PDE11A: variants seen among roughly 807,000 people sequenced by gnomAD.
The protein encoded by PDE11A is dual 3',5'-cyclic-AMP and -GMP phosphodiesterase 11A.
A neutral mutation model predicts 100.5 loss-of-function variants in PDE11A; 100 were observed. The ratio of observed to expected loss-of-function variants is 1.00; its 90% CI spans 0.85 to 1.18. PDE11A has a LOEUF of 1.18. Among genes scored for constraint, PDE11A ranks in the 50% most tolerant of loss-of-function variants. The pLI, the probability that PDE11A is intolerant of heterozygous loss-of-function variation, is 0.00. For missense variants in PDE11A, 1,141 were observed against 1,152.6 expected, an observed-to-expected ratio of 0.99 and a Z score of 0.15; for synonymous variants, 381 against 420.8, an observed-to-expected ratio of 0.91 and a Z score of 1.16.
intron 10 of PDE11A, among the ~76,000 whole-genome samples, chr2:177,736,516 A>T: frequency 6.7e-6 from 1 of 149,390 alleles, no homozygotes; most frequent in Admixed American, 6.7e-5. Context: ...CATCTAAAAG[A>T]AAAAAAAAAG....
At chr2:178,099,262 CT>C (rs1488392994) in intron 2 of PDE11A, among the ~76,000 whole-genome samples, 1 of 151,756 alleles carries the variant, frequency 6.6e-6, no homozygotes, top group Admixed American at 6.6e-5. Flanking sequence ...CCCGTCTCTA[CT>C]AAAAATACAA....
chr2:177,693,407 C>T (rs1475480043), intron 15 of PDE11A, among the ~76,000 whole-genome samples: 1 of 152,120 alleles, frequency 6.6e-6, no homozygotes, highest in African/African-American at 2.4e-5. Flanking sequence ...CTCAGATGGT[C>T]CCTGCAGGAT....
At chr2:177,916,798 C>T (rs1003685247) in intron 2 of PDE11A, among the ~76,000 whole-genome samples, 4 of 151,658 alleles carry the variant, frequency 2.6e-5, no homozygotes, top group South Asian at 2.1e-4. Flanking sequence ...CTTGCTCTGT[C>T]GCCAGGGCTG....
intron 2 of PDE11A, among the ~76,000 whole-genome samples, chr2:177,949,760 G>A (rs1238158173): frequency 6.6e-6 from 1 of 152,184 alleles, no homozygotes; most frequent in Non-Finnish European, 1.5e-5. Flanking sequence ...TCAAAGGAAG[G>A]AGCTGTTGGG....
chr2:177,995,544 G>C (rs1406087129), intron 2 of PDE11A, among the ~76,000 whole-genome samples: 1 of 152,030 alleles, frequency 6.6e-6, no homozygotes, highest in East Asian at 1.9e-4. Flanking sequence ...ACTTGAGGAG[G>C]GAAGATTAAC....
intron 4 of PDE11A, among the ~76,000 whole-genome samples, chr2:177,887,456 A>T (rs2084454764): frequency 1.4e-4 from 1 of 7,304 alleles, no homozygotes; most frequent in South Asian, 0.05. Flanking sequence ...AGCCGTTAAA[A>T]AAGAAAAAAA....
At chr2:177,914,005 A>G (rs77876731) in intron 2 of PDE11A, among the ~76,000 whole-genome samples, 10,281 of 152,210 alleles carry the variant, frequency 0.068, 389 homozygotes, top group East Asian at 0.14. Context: ...TAATCAGAGG[A>G]TTCATTTACC....
At chr2:177,803,436 T>C (rs1274432269) in intron 9 of PDE11A, among the ~76,000 whole-genome samples, 1 of 151,946 alleles carries the variant, frequency 6.6e-6, no homozygotes, top group Non-Finnish European at 1.5e-5. Flanking sequence ...GAGGGAATTC[T>C]TCCTAACACT....
rs77814174 is a variant in PDE11A at position 177,846,930 on chromosome 2, T to A, written c.1368-6547A>T. 6.1e-4 allele frequency among the ~76,000 whole-genome samples: 93 copies of A among 152,288 alleles called. No individual in the cohort carries two copies. The East Asian group carries it at 0.016, about 26-fold the overall frequency. ...GGCAGCTCAGTTTACTTTCTAATAG[T>A]CATCATCCTTGGTTCCAAGTTCCAT... On this transcript the variant is annotated intron_variant, in intron 5 of 19. Coordinates refer to ENST00000286063, the MANE Select transcript of PDE11A (RefSeq NM_016953.4).
intron 4 of PDE11A, among the ~76,000 whole-genome samples, chr2:177,897,551 T>C (rs1003886704): frequency 3.9e-5 from 6 of 152,206 alleles, no homozygotes; most frequent in African/African-American, 1.4e-4. Flanking sequence ...CCAGCTTCGG[T>C]TGGCCATTCC....
At chr2:178,050,114 G>GAC (rs2086804033) in intron 1 of PDE11A, among the ~76,000 whole-genome samples, 1 of 152,236 alleles carries the variant, frequency 6.6e-6, no homozygotes, top group African/African-American at 2.4e-5. Context: ...GGGGCAGACT[G>GAC]ACACCTCATA....
chr2:177,829,699 G>T (rs1026016924), intron 6 of PDE11A, among the ~76,000 whole-genome samples: 3 of 151,218 alleles, frequency 2.0e-5, no homozygotes, highest in Admixed American at 1.3e-4. Flanking sequence ...TGATCCGCCT[G>T]CCTCGGCCTC....
intron 19 of PDE11A, among the ~76,000 whole-genome samples, chr2:177,643,789 T>G (rs986329069): frequency 7.2e-5 from 11 of 152,170 alleles, no homozygotes; most frequent in Non-Finnish European, 1.3e-4. Context: ...CCAAGCCCAG[T>G]GTCCCCCTGC....
chr2:177,910,924 G>A (rs1402391481), intron 2 of PDE11A, among the ~76,000 whole-genome samples: 2 of 152,210 alleles, frequency 1.3e-5, no homozygotes, highest in Non-Finnish European at 1.5e-5. Flanking sequence ...CTACACTGGA[G>A]AATCTTAGTG....
rs1462219441 is a variant in PDE11A at position 178,101,870 on chromosome 2, ATAC to A, written c.162+2429_162+2431del. On this transcript the variant is annotated intron_variant, in intron 2 of 20. Coordinates refer to the PDE11A transcript ENST00000358450. ...TGCTGATATTTTAAAAGATGATAAA[ATAC>A]TACTGACTTGACAAATATTAAATTT... Among the ~76,000 whole-genome samples, 17 of 152,342 alleles carry A rather than the reference ATAC, an allele frequency of 1.1e-4. No individual in the cohort carries two copies. The East Asian group carries it at 3.3e-3, about 29-fold the overall frequency.
chr2:177,660,416 C>T (rs1228914909), intron 19 of PDE11A, among the ~76,000 whole-genome samples: 1 of 152,066 alleles, frequency 6.6e-6, no homozygotes, highest in African/African-American at 2.4e-5. Flanking sequence ...GTCAGCCTCT[C>T]TCGTTGACAA....
At chr2:177,853,089 A>G (rs1179737109) in intron 5 of PDE11A, among the ~76,000 whole-genome samples, 1 of 151,716 alleles carries the variant, frequency 6.6e-6, no homozygotes, top group African/African-American at 2.4e-5. Flanking sequence ...CTAGCATCAT[A>G]TAATGACAAT....
chr2:177,872,936 A>T lies in PDE11A; in HGVS notation c.1367+2923T>A, dbSNP rs929178709. Among the ~76,000 whole-genome samples, 4 of 152,364 alleles carry T rather than the reference A, an allele frequency of 2.6e-5. No individual in the cohort carries two copies. In the South Asian group the frequency reaches 8.3e-4, roughly 32 times the overall value. On this transcript the variant is annotated intron_variant, in intron 5 of 19. Coordinates refer to ENST00000286063, the MANE Select transcript of PDE11A (RefSeq NM_016953.4). Reference sequence around the variant, plus strand: ...GAAAGGTCTTCTGAGATAAATGAACATTCTACATTAATTTAAAAGCCATAA... The same window carrying T: ...GAAAGGTCTTCTGAGATAAATGAACTTTCTACATTAATTTAAAAGCCATAA...
At position 177,701,071 on chromosome 2, in the gene PDE11A, G is replaced by T. The variant is rs756485820; in HGVS notation, c.2244+50C>A. On this transcript the variant is annotated intron_variant, in intron 14 of 19. Coordinates refer to ENST00000286063, the MANE Select transcript of PDE11A (RefSeq NM_016953.4). Reference sequence around the variant, plus strand: ...CAAAGGAAGAGAGGGAGGAAACAAAGAGTTGTTTTGGTTTCTGTTAAGGGG... The same window carrying T: ...CAAAGGAAGAGAGGGAGGAAACAAATAGTTGTTTTGGTTTCTGTTAAGGGG... The T allele has an allele frequency of 6.2e-6, 6 of 971,906 alleles. 1 individual carries two copies. The highest frequency in any genetic ancestry group is 5.2e-5 in the South Asian group (4 of 77,484). 60.2% of individuals were successfully genotyped at this position (971,906 alleles called of 1,614,324 possible). A position where few individuals can be genotyped will look rare whatever the true frequency, so the allele number is the denominator to read the frequency against.
Sources: gnomAD v4.1 joint callset for allele counts (sites outside exome capture counted in the v4.1 genomes callset) on GRCh38, gnomAD v4.1.1 for gene constraint, MANE v1.5 for transcripts, NCBI Gene and HGNC (gene_info 2026-07-23, HGNC 2026-07-21) for gene names.